DNAJC11: variants seen among roughly 807,000 people sequenced by gnomAD.
The protein encoded by DNAJC11 is DnaJ heat shock protein family (Hsp40) member C11, also known as dnaJ homolog subfamily C member 11.
A neutral mutation model predicts 78.6 loss-of-function variants in DNAJC11; 15 were observed. The observed-to-expected ratio is 0.19, with a 90% confidence interval of 0.13 to 0.29. DNAJC11 has a LOEUF of 0.29. DNAJC11 is among the 10% of genes least tolerant of loss of function. DNAJC11 has a pLI of 1.00. For missense variants in DNAJC11, 547 were observed against 709.6 expected (o/e 0.77, Z 2.60); for synonymous variants, 292 against 272.1 (o/e 1.07, Z -0.72).
At chr1:6,641,358 A>C (rs1464649285) in intron 10 of DNAJC11, among the ~76,000 whole-genome samples, 3 of 140,614 alleles carry the variant, frequency 2.1e-5, no homozygotes, top group Admixed American at 7.7e-5. Context: ...TCTGGGGTGC[A>C]AGAGCGAAAC....
chr1:6,695,429 C>A (rs1557491402), intron 1 of DNAJC11, among the ~76,000 whole-genome samples: 1 of 151,882 alleles, frequency 6.6e-6, no homozygotes, highest in African/African-American at 2.4e-5. Context: ...AACGCACATA[C>A]CACACAGGTC....
At chr1:6,658,392 G>A (rs1014819805) in intron 4 of DNAJC11, among the ~76,000 whole-genome samples, 3 of 152,208 alleles carry the variant, frequency 2.0e-5, no homozygotes, top group African/African-American at 7.2e-5. Context: ...GGTCAACTGA[G>A]TAATTATATG....
At chr1:6,687,605 C>T (rs916437749) in intron 1 of DNAJC11, among the ~76,000 whole-genome samples, 1 of 152,126 alleles carries the variant, frequency 6.6e-6, no homozygotes, top group African/African-American at 2.4e-5. Flanking sequence ...GATCCGCCCA[C>T]CTCGGCCTCC....
chr1:6,643,279 T>C (rs1395378520), intron 10 of DNAJC11, among the ~76,000 whole-genome samples: 2 of 67,628 alleles, frequency 3.0e-5, no homozygotes, highest in Non-Finnish European at 7.2e-5. Flanking sequence ...AAACAGACAT[T>C]TTTTTTTTTT....
Position 6,635,369 on chromosome 1 carries a change from C to T in DNAJC11, c.*306G>A. 3.1e-6 allele frequency: 1 copy of T among 321,444 alleles called. No homozygotes were observed. Among genetic ancestry groups the T allele is most frequent in the Admixed American group, 4.4e-5 (1 of 22,954 alleles). 19.9% of individuals were successfully genotyped at this position (321,444 alleles called of 1,614,324 possible). ...GAACTACAGGGCGGCGGGCTGCGGTCAGCACGTGTGCTCGGGACACAGCGG... is the reference window on the plus strand; with the variant it reads ...GAACTACAGGGCGGCGGGCTGCGGTTAGCACGTGTGCTCGGGACACAGCGG... On this transcript the variant is annotated 3_prime_UTR_variant, in exon 16 of 16. Coordinates refer to ENST00000377577, the MANE Select transcript of DNAJC11 (RefSeq NM_018198.4).
intron 1 of DNAJC11, 59 bp downstream of exon 1, chr1:6,701,670 G>T: frequency 1.4e-6 from 2 of 1,468,718 alleles, no homozygotes. Context: ...CGCCAGCCCG[G>T]CCCTCCCGAA....
At chr1:6,658,938 G>T (rs1414268929) in intron 4 of DNAJC11, among the ~76,000 whole-genome samples, 1 of 152,174 alleles carries the variant, frequency 6.6e-6, no homozygotes, top group African/African-American at 2.4e-5. Context: ...CCTGGGTCTA[G>T]TCCTGCACTG....
intron 11 of DNAJC11, 37 bp from the exon 12 acceptor site, chr1:6,638,401 G>C (rs1641820724): frequency 1.3e-6 from 2 of 1,594,404 alleles, no homozygotes; most frequent in African/African-American, 2.7e-5. Context: ...CGTTAGCGCG[G>C]CGCTGCCCAG....
intron 1 of DNAJC11, among the ~76,000 whole-genome samples, chr1:6,697,839 C>A (rs1298655683): frequency 6.7e-6 from 1 of 149,870 alleles, no homozygotes; most frequent in Non-Finnish European, 1.5e-5. Context: ...GAGTCTTGCT[C>A]TGTCACCCAG....
At chr1:6,641,393 AT>A (rs1210950776) in intron 10 of DNAJC11, among the ~76,000 whole-genome samples, 9 of 133,354 alleles carry the variant, frequency 6.7e-5, no homozygotes, top group African/African-American at 2.6e-4. Flanking sequence ...AAAAAAAAAT[AT>A]ATATATATAT....
intron 4 of DNAJC11, among the ~76,000 whole-genome samples, chr1:6,658,356 G>T (rs1233312684): frequency 6.6e-6 from 1 of 152,182 alleles, no homozygotes; most frequent in East Asian, 1.9e-4. Flanking sequence ...GTTAAGAAAG[G>T]CTAGGTAATC....
At chr1:6,698,441 T>G (rs1205851830) in intron 1 of DNAJC11, among the ~76,000 whole-genome samples, 1 of 152,136 alleles carries the variant, frequency 6.6e-6, no homozygotes, top group Non-Finnish European at 1.5e-5. Context: ...GACATCACCT[T>G]CAGAGCTTCT....
At chr1:6,637,077 T>G in intron 14 of DNAJC11, 121 bp downstream of exon 14, 2 of 1,333,368 alleles carry the variant, frequency 1.5e-6, no homozygotes, top group Non-Finnish European at 2.1e-6. Flanking sequence ...CTTGAACTCC[T>G]GGGCTCAAGC....
chr1:6,665,207 A>G (rs1642276679), intron 4 of DNAJC11, among the ~76,000 whole-genome samples: 1 of 152,168 alleles, frequency 6.6e-6, no homozygotes. Context: ...AGCCTGGACT[A>G]CAGGTATGTG....
Position 6,638,284 on chromosome 1 carries a change from G to A in DNAJC11, c.1323+11C>T. 1 of 1,611,522 alleles carries A rather than the reference G, an allele frequency of 6.2e-7. No individual in the cohort carries two copies. The highest frequency in any genetic ancestry group is 2.2e-5 in the East Asian group (1 of 44,778). On this transcript the variant is annotated intron_variant, in intron 12 of 15. Transcript: ENST00000377577. ...ACAGCCCTCGCTTGGGAACGGTGGGGCAGCACTCACAGCGGACTCCGCCTC... is the reference window on the plus strand; with the variant it reads ...ACAGCCCTCGCTTGGGAACGGTGGGACAGCACTCACAGCGGACTCCGCCTC...
At chr1:6,647,080 C>CTTTT (rs70981396) in intron 7 of DNAJC11, among the ~76,000 whole-genome samples, 16 of 95,030 alleles carry the variant, frequency 1.7e-4, no homozygotes, top group African/African-American at 2.4e-4. Context: ...CTGGACAGGT[C>CTTTT]TTTTTTTTTT....
chr1:6,693,079 T>C (rs1269364363), intron 1 of DNAJC11, among the ~76,000 whole-genome samples: 1 of 149,718 alleles, frequency 6.7e-6, no homozygotes, highest in African/African-American at 2.5e-5. Context: ...CTAATTTTTT[T>C]TTTTCGTATT....
rs767604148 is a variant in DNAJC11, at chr1:6,644,574, C to T, written c.1081G>A (p.Val361Ile). The T allele has an allele frequency of 3.9e-5, 63 of 1,613,488 alleles. No homozygotes were observed. The highest frequency in any genetic ancestry group is 4.6e-5 in the Non-Finnish European group (54 of 1,179,540). ...TCAACTTACTTGACTTTGAGAGAAA[C>T]ACCCTGTGGAACTCCAACGCTGACA... ...AAVSVGVPQGVSLKVKLNRAS... is the reference protein window; with the variant it reads ...AAVSVGVPQGISLKVKLNRAS... The change falls in exon 10 of 16, where the codon GTT (valine) becomes ATT (isoleucine). Residue 361 changes from valine to isoleucine, a missense_variant. Val to Ile is a conservative substitution (Grantham distance 29, BLOSUM62 3). Coordinates refer to ENST00000377577, the MANE Select transcript of DNAJC11 (RefSeq NM_018198.4).
intron 3 of DNAJC11, among the ~76,000 whole-genome samples, chr1:6,673,293 A>C (rs1642410127): frequency 6.6e-6 from 1 of 151,694 alleles, no homozygotes; most frequent in Non-Finnish European, 1.5e-5. Context: ...TCTCTACAAC[A>C]AAAAAACAAC....
Sources: gnomAD v4.1 joint callset for allele counts (sites outside exome capture counted in the v4.1 genomes callset) on GRCh38, gnomAD v4.1.1 for gene constraint, MANE v1.5 for transcripts, NCBI Gene and HGNC (gene_info 2026-07-23, HGNC 2026-07-21) for gene names.